Variants in EP400 observed in about 807,000 individuals in gnomAD.
The protein encoded by EP400 is E1A binding protein p400, also known as E1A-binding protein p400.
Under a neutral mutation model 354.1 loss-of-function variants are expected in EP400, and 105 were observed. The ratio of observed to expected loss-of-function variants is 0.30; its 90% CI spans 0.25 to 0.35. EP400 has a LOEUF of 0.35. Among genes scored for constraint, EP400 ranks in the 10% least tolerant of loss-of-function variants. EP400 has a pLI of 1.00. For synonymous variants in EP400, 1,646 were observed against 1,716.9 expected (o/e 0.96, Z 1.02); for missense variants, 3,280 against 4,121.0 (o/e 0.80, Z 5.59).
At chr12:132,002,039 G>A (rs1467818694) in intron 12 of EP400, among the ~76,000 whole-genome samples, 2 of 152,206 alleles carry the variant, frequency 1.3e-5, no homozygotes, top group African/African-American at 4.8e-5. Flanking sequence ...GAACTTCATT[G>A]TGGAAGTTAC....
At position 131,985,199 on chromosome 12, in the gene EP400, C is replaced by T. The variant is rs115256108; in HGVS notation, c.1930-1315C>T. ...AAGCGCTTTACAAAGTCTGTAGGAA[C>T]CTGTTACTTCTAGGTTAGCCAGGGT... On this transcript the variant is annotated intron_variant, in intron 5 of 52. Transcript: ENST00000389561. Among the ~76,000 whole-genome samples the T allele has an allele frequency of 2.0e-3, 308 of 152,324 alleles. 1 individual carries two copies. Among genetic ancestry groups the T allele is most frequent in the African/African-American group, 6.7e-3 (279 of 41,576 alleles).
At chr12:131,976,436 G>A (rs1347281640) in intron 2 of EP400, among the ~76,000 whole-genome samples, 1 of 152,204 alleles carries the variant, frequency 6.6e-6, no homozygotes, top group Non-Finnish European at 1.5e-5. Context: ...CACTCTGGCT[G>A]GGTGTGGTGG....
At chr12:132,021,439 A>T in intron 23 of EP400, 118 bp downstream of exon 23, 2 of 1,361,698 alleles carry the variant, frequency 1.5e-6, no homozygotes, top group Non-Finnish European at 1.9e-6. Context: ...CCCCAGCCCC[A>T]TGCCCGGTGC....
chr12:132,037,807 A>G lies in EP400; in HGVS notation c.6063+14A>G, dbSNP rs1432052111. On this transcript the variant is annotated intron_variant, in intron 31 of 52. Coordinates refer to ENST00000389561, the MANE Select transcript of EP400 (RefSeq NM_015409.5). ...TTCTTAACTCAGGTACTCCTTATTC[A>G]ATGAGAGGCCTGAGGTGAGACCCGC... 6.2e-7 allele frequency: 1 copy of G among 1,613,410 alleles called. No individual in the cohort carries two copies. Among genetic ancestry groups the G allele is most frequent in the Non-Finnish European group, 8.5e-7 (1 of 1,179,342 alleles).
intron 19 of EP400, among the ~76,000 whole-genome samples, chr12:132,014,315 CA>C (rs1470996105): frequency 1.3e-5 from 2 of 152,232 alleles, no homozygotes; most frequent in African/African-American, 4.8e-5. Flanking sequence ...CCGGAGGTGG[CA>C]CGCTGGTGTC....
rs371485289 is a variant in EP400 at position 132,025,719 on chromosome 12, C to G, written c.4929C>G (p.Thr1643=). The change falls in exon 25 of 53, where the codon ACC becomes ACG. Residue 1643 remains threonine, a synonymous_variant. Transcript: ENST00000389561. The surrounding 1 kb of genome is among the most constrained non-coding windows in gnomAD (Gnocchi z 4.1). The part of the protein sequence containing the change: ...LRAPGPVVMQ[T]VSQAGAVHGA... ...CCCCTGGCCCTGTGGTGATGCAGAC[C>G]GTGTCTCAGGCGGGCGCTGTGCACG... 1 of 1,613,350 alleles carries G rather than the reference C, an allele frequency of 6.2e-7. No individual in the cohort carries two copies. The highest frequency in any genetic ancestry group is 8.5e-7 in the Non-Finnish European group (1 of 1,179,884).
At position 132,006,302 on chromosome 12, in the gene EP400, G is replaced by A. The variant is rs375733609; in HGVS notation, c.3126G>A (p.Ser1042=). 8 of 1,613,740 alleles carry A rather than the reference G, an allele frequency of 5.0e-6. No homozygotes were observed. Among genetic ancestry groups the A allele is most frequent in the African/African-American group, 2.7e-5 (2 of 74,930 alleles). Residue 1042 remains serine, a splice_region_variant and synonymous_variant, in exon 14 of 53, where the codon TCG becomes TCA. Transcript: ENST00000389561. ...AGGGCAGTGCTCGGGTCACAACCTC[G>A]GTGAGGCGCTAAGCTTTCAAGTGTG... ...LPKGSARVTT[S]VKFNAPSLLY...
intron 5 of EP400, among the ~76,000 whole-genome samples, chr12:131,985,566 T>A (rs972444257): frequency 6.6e-6 from 1 of 152,208 alleles, no homozygotes; most frequent in Non-Finnish European, 1.5e-5. Context: ...TCGCAGCAGT[T>A]CTCTGTGACT....
intron 2 of EP400, among the ~76,000 whole-genome samples, chr12:131,969,525 G>A (rs1892217521): frequency 6.6e-6 from 1 of 152,046 alleles, no homozygotes; most frequent in Admixed American, 6.6e-5. Flanking sequence ...TTGGCCAATT[G>A]GAGCCTCTTC....
intron 2 of EP400, among the ~76,000 whole-genome samples, chr12:131,967,921 T>A (rs1226885443): frequency 6.6e-6 from 1 of 152,254 alleles, no homozygotes; most frequent in African/African-American, 2.4e-5. Flanking sequence ...TCGTATATCT[T>A]TGACAAAGTA....
intron 6 of EP400, among the ~76,000 whole-genome samples, chr12:131,987,377 G>A (rs752234897): frequency 6.6e-6 from 1 of 152,122 alleles, no homozygotes; most frequent in African/African-American, 2.4e-5. Context: ...GCAAATTCCA[G>A]ACATCCTATG....
chr12:132,058,342 C>T (rs1267014687), intron 45 of EP400, among the ~76,000 whole-genome samples: 2 of 148,162 alleles, frequency 1.3e-5, no homozygotes, highest in African/African-American at 5.1e-5. Context: ...GGATATTGGG[C>T]TAAAGATTGG....
In EP400 at chr12:131,962,788, G is replaced by C. The variant is rs1891936904; in HGVS notation, c.1335+834G>C. On this transcript the variant is annotated intron_variant, in intron 2 of 52. Transcript: ENST00000389561. ...ACACTGTATTTTGTGCCTTTGTGTT[G>C]TGTAGTGTATACTATGTTGGTGGAG... Among the ~76,000 whole-genome samples the C allele has an allele frequency of 1.3e-5, 2 of 152,214 alleles. 1 individual carries two copies. Among genetic ancestry groups the C allele is most frequent in the South Asian group, 4.1e-4 (2 of 4,830 alleles).
At chr12:132,061,681 C>T (rs936637169) in intron 45 of EP400, among the ~76,000 whole-genome samples, 5 of 152,180 alleles carry the variant, frequency 3.3e-5, no homozygotes, top group Admixed American at 6.5e-5. Context: ...CAAGACCCCA[C>T]GCACATGGTG....
At chr12:132,004,646 C>T (rs1893521235) in intron 12 of EP400, among the ~76,000 whole-genome samples, 2 of 152,098 alleles carry the variant, frequency 1.3e-5, no homozygotes, top group Admixed American at 1.3e-4. Flanking sequence ...GAGTTTCTTT[C>T]AAAGATTCTC....
At chr12:131,956,199 G>A (rs1329940194) in intron 1 of EP400, among the ~76,000 whole-genome samples, 1 of 152,146 alleles carries the variant, frequency 6.6e-6, no homozygotes, top group African/African-American at 2.4e-5. Flanking sequence ...ACTGTGTTGT[G>A]GGTGTGTCAG....
intron 48 of EP400, 160 bp from the exon 49 acceptor site, chr12:132,066,614 C>A: frequency 1.4e-6 from 1 of 728,180 alleles, no homozygotes; most frequent in Non-Finnish European, 2.1e-6. Flanking sequence ...CATTTCCCTG[C>A]GGCGTGCAGA....
intron 45 of EP400, among the ~76,000 whole-genome samples, chr12:132,057,732 G>A (rs61944623): frequency 0.031 from 4,652 of 152,292 alleles, 114 homozygotes; most frequent in Admixed American, 0.044. Flanking sequence ...TGTCACTGCA[G>A]TAGATAGCAG....
At chr12:132,063,443 G>A (rs941501278) in intron 47 of EP400, among the ~76,000 whole-genome samples, 3 of 152,198 alleles carry the variant, frequency 2.0e-5, no homozygotes, top group African/African-American at 7.2e-5. Flanking sequence ...AGAGGTTGCA[G>A]TGAGCCGAGA....
Sources: allele counts gnomAD v4.1 joint callset (sites outside exome capture counted in the v4.1 genomes callset), GRCh38; gene constraint gnomAD v4.1.1; non-coding constraint Gnocchi (gnomAD v3.1); transcripts MANE v1.5; gene names NCBI Gene and HGNC (gene_info 2026-07-23, HGNC 2026-07-21).